The following UBE2E2 variants were observed in gnomAD, a reference collection of about 807,000 sequenced individuals.
UBE2E2 encodes ubiquitin conjugating enzyme E2 E2, also known as ubiquitin-conjugating enzyme E2 E2.
Under a neutral mutation model 24.7 loss-of-function variants are expected in UBE2E2, and 6 were observed. The observed-to-expected ratio is 0.24, with a 90% CI of 0.13 to 0.48. The LOEUF (loss-of-function observed/expected upper bound fraction) is 0.48. Among genes scored for constraint, UBE2E2 ranks in the 20% least tolerant of loss-of-function variants. The pLI is 0.99. For missense variants in UBE2E2, 169 were observed against 245.0 expected (o/e 0.69, Z 2.07); for synonymous variants, 104 against 83.6 (o/e 1.24, Z -1.33).
intron 3 of UBE2E2, among the ~76,000 whole-genome samples, chr3:23,490,505 T>C (rs1699473228): frequency 6.6e-6 from 1 of 152,240 alleles, no homozygotes; most frequent in African/African-American, 2.4e-5. Flanking sequence ...CAGTTATGTC[T>C]CTTAAAATTT....
intron 5 of UBE2E2, among the ~76,000 whole-genome samples, chr3:23,539,581 C>G (rs1200969941): frequency 6.6e-6 from 1 of 152,112 alleles, no homozygotes; most frequent in Admixed American, 6.5e-5. Context: ...TTACTTCTAA[C>G]GCAGGGAGTA....
At chr3:23,249,930 A>G (rs1697527710) in intron 3 of UBE2E2, among the ~76,000 whole-genome samples, 1 of 152,232 alleles carries the variant, frequency 6.6e-6, no homozygotes, top group Non-Finnish European at 1.5e-5. Context: ...TGCTGGGACT[A>G]CAGGCGTGAG....
chr3:23,352,268 A>G (rs1695777525), intron 3 of UBE2E2, among the ~76,000 whole-genome samples: 1 of 152,164 alleles, frequency 6.6e-6, no homozygotes, highest in African/African-American at 2.4e-5. Context: ...CTAAATGCCC[A>G]CAAGAGAAAG....
intron 3 of UBE2E2, among the ~76,000 whole-genome samples, chr3:23,406,097 A>G (rs796552797): frequency 9.2e-5 from 14 of 152,388 alleles, no homozygotes; most frequent in African/African-American, 3.1e-4. Context: ...TGGGTTACTT[A>G]AAAGTACTTG....
At chr3:23,229,485 T>C (rs767028075) in intron 3 of UBE2E2, among the ~76,000 whole-genome samples, 6 of 152,186 alleles carry the variant, frequency 3.9e-5, no homozygotes, top group Admixed American at 6.5e-5. Context: ...TGTTGTGTCA[T>C]TCTTATGCTT....
chr3:23,344,509 C>T (rs1695493432), intron 3 of UBE2E2, among the ~76,000 whole-genome samples: 1 of 150,988 alleles, frequency 6.6e-6, no homozygotes, highest in South Asian at 2.1e-4. Context: ...ACTCCTTTTT[C>T]CACTTTCCAG....
At chr3:23,506,279 T>A (rs1694453555) in intron 4 of UBE2E2, among the ~76,000 whole-genome samples, 1 of 152,184 alleles carries the variant, frequency 6.6e-6, no homozygotes, top group African/African-American at 2.4e-5. Context: ...ATTTGACATC[T>A]CTAGTTGAAC....
At chr3:23,366,847 A>G (rs567143328) in intron 3 of UBE2E2, among the ~76,000 whole-genome samples, 1 of 152,354 alleles carries the variant, frequency 6.6e-6, no homozygotes, top group Non-Finnish European at 1.5e-5. Context: ...ACTTAGACAT[A>G]TAAGTTGATT....
intron 5 of UBE2E2, among the ~76,000 whole-genome samples, chr3:23,562,926 C>T (rs745923996): frequency 4.9e-4 from 74 of 152,238 alleles, no homozygotes; most frequent in Non-Finnish European, 8.5e-4. Flanking sequence ...TCCCCTTTAT[C>T]GTTTTTTATT....
intron 3 of UBE2E2, among the ~76,000 whole-genome samples, chr3:23,464,921 A>G (rs1045793918): frequency 2.0e-5 from 3 of 152,228 alleles, no homozygotes; most frequent in Non-Finnish European, 2.9e-5. Context: ...TTAGCAATGT[A>G]GAAGACTCTA....
At chr3:23,297,542 C>T (rs1320568345) in intron 3 of UBE2E2, among the ~76,000 whole-genome samples, 1 of 152,182 alleles carries the variant, frequency 6.6e-6, no homozygotes, top group African/African-American at 2.4e-5. Context: ...AGCCAGTTTT[C>T]CCAGCACCAT....
intron 3 of UBE2E2, among the ~76,000 whole-genome samples, chr3:23,398,798 AATG>A (rs1450525558): frequency 6.6e-6 from 1 of 152,162 alleles, no homozygotes; most frequent in Non-Finnish European, 1.5e-5. Flanking sequence ...ATTTCTTTAT[AATG>A]ATCTGGGTTT....
At chr3:23,357,435 A>G (rs949905416) in intron 3 of UBE2E2, among the ~76,000 whole-genome samples, 1 of 152,142 alleles carries the variant, frequency 6.6e-6, no homozygotes, top group Non-Finnish European at 1.5e-5. Flanking sequence ...ATATCTGCAT[A>G]CACATAAATG....
intron 5 of UBE2E2, among the ~76,000 whole-genome samples, chr3:23,576,259 T>G (rs1696344857): frequency 6.6e-6 from 1 of 152,168 alleles, no homozygotes. Flanking sequence ...TCTCTCATTT[T>G]AAGACAACTC....
intron 1 of UBE2E2, 119 bp downstream of exon 1, chr3:23,203,583 C>T (rs1352414588): frequency 1.8e-6 from 1 of 564,786 alleles, no homozygotes; most frequent in Non-Finnish European, 2.2e-6. Flanking sequence ...ACCGCTCGTG[C>T]CCTAGTTCCC....
At chr3:23,588,469 T>C (rs1696682078) in intron 5 of UBE2E2, among the ~76,000 whole-genome samples, 1 of 151,064 alleles carries the variant, frequency 6.6e-6, no homozygotes, top group Non-Finnish European at 1.5e-5. Context: ...CAGGCTGGTA[T>C]GTGGTGGCAC....
At chr3:23,340,648 G>T (rs1695355861) in intron 3 of UBE2E2, among the ~76,000 whole-genome samples, 1 of 152,068 alleles carries the variant, frequency 6.6e-6, no homozygotes, top group African/African-American at 2.4e-5. Flanking sequence ...CAAGAAAAAA[G>T]AAATCTTTAG....
chr3:23,404,022 G>T (rs1697294400), intron 3 of UBE2E2, among the ~76,000 whole-genome samples: 1 of 152,082 alleles, frequency 6.6e-6, no homozygotes, highest in Non-Finnish European at 1.5e-5. Flanking sequence ...CTGCAGCCAT[G>T]AGCAGGAACT....
Position 23,448,436 on chromosome 3 carries a change from A to T in UBE2E2, c.228-51172A>T, listed in dbSNP as rs186456139. Among the ~76,000 whole-genome samples, 214 of 152,298 alleles carry T rather than the reference A, an allele frequency of 1.4e-3. 1 individual carries two copies. Among genetic ancestry groups the T allele is most frequent in the Non-Finnish European group, 2.0e-3 (139 of 68,020 alleles). On this transcript the variant is annotated intron_variant, in intron 3 of 5. Coordinates refer to ENST00000396703, the MANE Select transcript of UBE2E2 (RefSeq NM_152653.4). ...CAGGTAAGCCTAACTTACCCATGTT[A>T]TGGAGATTTGGAATACTATTAGGAA...
Sources: gnomAD v4.1 joint callset for allele counts (sites outside exome capture counted in the v4.1 genomes callset) on GRCh38, gnomAD v4.1.1 for gene constraint, MANE v1.5 for transcripts, NCBI Gene and HGNC (gene_info 2026-07-23, HGNC 2026-07-21) for gene names.